Variants in FRMD4A observed in about 807,000 individuals in gnomAD.
The protein encoded by FRMD4A is FERM domain-containing protein 4A.
In FRMD4A, 29 loss-of-function variants were observed where a neutral mutation model predicts 129.1. That is an observed-to-expected ratio of 0.22 (90% CI 0.17 to 0.31). FRMD4A has a LOEUF of 0.31. Ranked by LOEUF, FRMD4A falls within the 10% of genes least tolerant of loss-of-function variation. The pLI is 1.00. For synonymous variants in FRMD4A, 634 were observed against 571.6 expected (o/e 1.11, Z -1.56); for missense variants, 1,272 against 1,375.8 (o/e 0.92, Z 1.19).
intron 2 of FRMD4A, among the ~76,000 whole-genome samples, chr10:13,982,174 T>C (rs2095564062): frequency 6.6e-6 from 1 of 152,018 alleles, no homozygotes. Context: ...CATCTTTCTA[T>C]GTTAAAGCTA....
intron 6 of FRMD4A, among the ~76,000 whole-genome samples, chr10:13,781,251 C>A (rs541681372): frequency 5.4e-5 from 7 of 130,832 alleles, no homozygotes; most frequent in African/African-American, 2.0e-4. Flanking sequence ...TTGCAGTGAG[C>A]CAAGATTGCA....
At chr10:13,684,822 T>C (rs1430493177) in intron 15 of FRMD4A, 47 of 984,702 alleles carry the variant, frequency 4.8e-5, no homozygotes, top group Non-Finnish European at 5.4e-5. Context: ...GAATCGGTTG[T>C]TCTAGAACTA....
At chr10:13,702,617 C>A (rs1268638590) in intron 13 of FRMD4A, among the ~76,000 whole-genome samples, 1 of 151,800 alleles carries the variant, frequency 6.6e-6, no homozygotes, top group African/African-American at 2.4e-5. Flanking sequence ...GGATTTGGGG[C>A]ATTTTACATG....
chr10:13,769,569 C>G (rs945566036), intron 6 of FRMD4A, among the ~76,000 whole-genome samples: 2 of 152,218 alleles, frequency 1.3e-5, no homozygotes, highest in South Asian at 4.2e-4. Flanking sequence ...CTCGGCCTCC[C>G]AAAGTGCTGG....
chr10:13,826,336 G>A (rs1298280865), intron 3 of FRMD4A, among the ~76,000 whole-genome samples: 3 of 152,136 alleles, frequency 2.0e-5, no homozygotes, highest in Non-Finnish European at 2.9e-5. Context: ...GGAATAGAAC[G>A]CAGGCCACTT....
chr10:13,678,609 C>G (rs2084203261), intron 15 of FRMD4A, among the ~76,000 whole-genome samples: 1 of 152,222 alleles, frequency 6.6e-6, no homozygotes, highest in Non-Finnish European at 1.5e-5. Flanking sequence ...TGCGCACGCG[C>G]ACGCACACAC....
chr10:13,966,186 A>AT (rs535503139), intron 2 of FRMD4A, among the ~76,000 whole-genome samples: 24 of 151,718 alleles, frequency 1.6e-4, no homozygotes, highest in Admixed American at 2.6e-4. Context: ...TACCTGGCTA[A>AT]TTTTTTTTGT....
chr10:14,229,874 T>G (rs6602718), intron 2 of FRMD4A, among the ~76,000 whole-genome samples: 149,794 of 152,318 alleles, frequency 0.98, 73,705 homozygotes, highest in Middle Eastern at 1. Flanking sequence ...AATCTAGCTA[T>G]CCTGTCCTCT....
At chr10:14,276,617 G>A (rs1311644930) in intron 2 of FRMD4A, among the ~76,000 whole-genome samples, 1 of 152,184 alleles carries the variant, frequency 6.6e-6, no homozygotes, top group African/African-American at 2.4e-5. Context: ...CCAAAGTTGG[G>A]TAAAATTGTG....
intron 18 of FRMD4A, 24 bp downstream of exon 18, chr10:13,666,073 G>C (rs764121779): frequency 6.9e-7 from 1 of 1,452,294 alleles, no homozygotes; most frequent in South Asian, 1.1e-5. Flanking sequence ...GGAGTGGGGT[G>C]GGGGCAGCCC....
At position 13,814,607 on chromosome 10, in the gene FRMD4A, AG is replaced by A. The variant is rs373449261; in HGVS notation, c.112-3700del. 3.2e-3 allele frequency among the ~76,000 whole-genome samples: 401 copies of A among 124,022 alleles called. 14 individuals are homozygous for A. Among genetic ancestry groups the A allele is most frequent in the South Asian group, 0.014 (51 of 3,632 alleles). The allele number at this position is 124,022 out of a possible 152,430, so 81.4% of individuals were successfully genotyped here. ...AAAAAAAAAAAAAAAAAAAAAAAAAAGAAAGAAAGGGAAAGAGAGAGAGAAA... is the reference window on the plus strand; with the variant it reads ...AAAAAAAAAAAAAAAAAAAAAAAAAAAAAGAAAGGGAAAGAGAGAGAGAAA... On this transcript the variant is annotated intron_variant, in intron 3 of 24. Transcript: ENST00000357447.
intron 2 of FRMD4A, among the ~76,000 whole-genome samples, chr10:14,021,452 G>A (rs1488499650): frequency 4.6e-5 from 7 of 152,042 alleles, no homozygotes. Context: ...ACCTACTTGG[G>A]AGGCTGAGGT....
intron 2 of FRMD4A, among the ~76,000 whole-genome samples, chr10:13,904,586 G>A (rs1210007610): frequency 6.6e-6 from 1 of 152,170 alleles, no homozygotes; most frequent in Admixed American, 6.5e-5. Flanking sequence ...CTCAAAATGT[G>A]TTCACCTGTA....
chr10:14,111,830 G>T (rs1267511560), intron 2 of FRMD4A, among the ~76,000 whole-genome samples: 4 of 151,658 alleles, frequency 2.6e-5, no homozygotes, highest in Non-Finnish European at 5.9e-5. Context: ...AGTGGTGTGT[G>T]CTGTGGAGGG....
At chr10:13,777,135 C>T (rs11258593) in intron 6 of FRMD4A, among the ~76,000 whole-genome samples, 95,618 of 152,102 alleles carry the variant, frequency 0.63, 32,609 homozygotes, top group East Asian at 0.95. Flanking sequence ...TGGGTCTGCC[C>T]GGCAGCAAAA....
chr10:13,734,248 G>A (rs947720445), intron 12 of FRMD4A, among the ~76,000 whole-genome samples: 2 of 152,004 alleles, frequency 1.3e-5, no homozygotes, highest in Non-Finnish European at 2.9e-5. Flanking sequence ...GGTGTTGCCC[G>A]CCCTACCCTC....
chr10:13,951,561 C>T (rs1170958139), intron 2 of FRMD4A, among the ~76,000 whole-genome samples: 2 of 151,910 alleles, frequency 1.3e-5, no homozygotes, highest in Non-Finnish European at 2.9e-5. Context: ...TTGTGCTGAT[C>T]GACAGGACAA....
chr10:13,648,782 T>C (rs1442626339), intron 24 of FRMD4A: 1 of 152,206 alleles, frequency 6.6e-6, no homozygotes, highest in African/African-American at 2.4e-5. Flanking sequence ...AGTAGTTTCT[T>C]AAACTGTTGA....
chr10:14,310,140 G>T (rs1384949607), intron 2 of FRMD4A, among the ~76,000 whole-genome samples: 1 of 150,458 alleles, frequency 6.6e-6, no homozygotes, highest in South Asian at 2.1e-4. Context: ...GCTGGGATCT[G>T]CCTCGGCTTT....
Sources: allele counts gnomAD v4.1 joint callset (sites outside exome capture counted in the v4.1 genomes callset), GRCh38; gene constraint gnomAD v4.1.1; transcripts MANE v1.5; gene names NCBI Gene and HGNC (gene_info 2026-07-23, HGNC 2026-07-21).